ETV6: variants seen among roughly 807,000 people sequenced by gnomAD.
ETV6 encodes ETS variant transcription factor 6, also known as transcription factor ETV6.
In ETV6, 16 loss-of-function variants were observed where a neutral mutation model predicts 51.1. The ratio of observed to expected loss-of-function variants is 0.31; its 90% confidence interval spans 0.21 to 0.48. ETV6 has a LOEUF of 0.48. Among genes scored for constraint, ETV6 ranks in the 20% least tolerant of loss-of-function variants. The pLI is 0.99. For synonymous variants in ETV6, 240 were observed against 224.1 expected (o/e 1.07, Z -0.64); for missense variants, 458 against 594.8 (o/e 0.77, Z 2.39).
rs150665034 is a variant in ETV6, at chr12:11,681,089, A to C, written c.33+30929A>C. Among the ~76,000 whole-genome samples the C allele has an allele frequency of 3.2e-3, 488 of 152,304 alleles. 3 individuals are homozygous for C. The highest frequency in any genetic ancestry group is 0.01 in the African/African-American group (426 of 41,552). ...TAGGCAAGACTCTGTCCTGCATCCC[A>C]CTGAGTATAGACCTAATTTCTTTCT... On this transcript the variant is annotated intron_variant, in intron 1 of 7. Coordinates refer to ENST00000396373, the MANE Select transcript of ETV6 (RefSeq NM_001987.5).
At chr12:11,759,093 C>T (rs1235610971) in intron 2 of ETV6, among the ~76,000 whole-genome samples, 1 of 151,662 alleles carries the variant, frequency 6.6e-6, no homozygotes, top group African/African-American at 2.4e-5. Context: ...TGCAGGCAGA[C>T]GTTAATTCCT....
intron 3 of ETV6, among the ~76,000 whole-genome samples, chr12:11,844,363 A>G (rs1476966797): frequency 6.6e-6 from 1 of 152,242 alleles, no homozygotes; most frequent in Non-Finnish European, 1.5e-5. Context: ...TGAGGATTTT[A>G]GTAGACTAAA....
At chr12:11,662,471 A>C (rs7306490) in intron 1 of ETV6, among the ~76,000 whole-genome samples, 21,095 of 152,150 alleles carry the variant, frequency 0.14, 4,855 homozygotes, top group African/African-American at 0.48. Flanking sequence ...AACTAGGGGG[A>C]ATGCCTGTGT....
At chr12:11,651,636 C>G (rs779329853) in intron 1 of ETV6, among the ~76,000 whole-genome samples, 22 of 152,056 alleles carry the variant, frequency 1.4e-4, no homozygotes, top group Non-Finnish European at 2.5e-4. Flanking sequence ...TACTTCAAAA[C>G]CAGTTTCTTT....
At chr12:11,871,428 G>A (rs1003789344) in intron 5 of ETV6, among the ~76,000 whole-genome samples, 3 of 151,978 alleles carry the variant, frequency 2.0e-5, no homozygotes, top group East Asian at 1.9e-4. Flanking sequence ...CTGACCTCGC[G>A]ATCCGCCTGC....
intron 4 of ETV6, among the ~76,000 whole-genome samples, chr12:11,861,000 A>C (rs1461545695): frequency 6.6e-6 from 1 of 152,058 alleles, no homozygotes; most frequent in Non-Finnish European, 1.5e-5. Flanking sequence ...AGTCTTCATT[A>C]CTCTCAGAAC....
chr12:11,713,664 A>G (rs1865216090), intron 1 of ETV6, among the ~76,000 whole-genome samples: 3 of 152,146 alleles, frequency 2.0e-5, no homozygotes, highest in Admixed American at 1.3e-4. Flanking sequence ...ATGATATAAT[A>G]TCTGCTCTCA....
chr12:11,760,819 A>G (rs899591638), intron 2 of ETV6, among the ~76,000 whole-genome samples: 1 of 151,876 alleles, frequency 6.6e-6, no homozygotes, highest in Non-Finnish European at 1.5e-5. Flanking sequence ...CACTCTAGAG[A>G]ATCTCTGTGG....
At chr12:11,667,288 A>G (rs1042426479) in intron 1 of ETV6, among the ~76,000 whole-genome samples, 1 of 152,216 alleles carries the variant, frequency 6.6e-6, no homozygotes, top group Non-Finnish European at 1.5e-5. Flanking sequence ...GAATGCTACC[A>G]GAACCCTTGC....
At chr12:11,800,566 C>G (rs1945732493) in intron 2 of ETV6, among the ~76,000 whole-genome samples, 1 of 152,100 alleles carries the variant, frequency 6.6e-6, no homozygotes, top group South Asian at 2.1e-4. Flanking sequence ...CCACCCGCAT[C>G]CCTTCTTTTA....
chr12:11,762,980 CT>C (rs1167076922), intron 2 of ETV6, among the ~76,000 whole-genome samples: 2 of 152,168 alleles, frequency 1.3e-5, no homozygotes, highest in Non-Finnish European at 2.9e-5. Flanking sequence ...ACTCTTTCTC[CT>C]TCCTCCTCCT....
intron 2 of ETV6, among the ~76,000 whole-genome samples, chr12:11,811,046 A>G (rs1394027577): frequency 1.3e-5 from 2 of 152,182 alleles, no homozygotes; most frequent in Non-Finnish European, 2.9e-5. Flanking sequence ...CAAAGCCTCA[A>G]ACCACTTTCA....
intron 1 of ETV6, among the ~76,000 whole-genome samples, chr12:11,714,769 C>T (rs888345026): frequency 1.3e-5 from 2 of 151,904 alleles, no homozygotes; most frequent in African/African-American, 4.8e-5. Flanking sequence ...GAGTAGACTC[C>T]TGGTGAGGAG....
intron 1 of ETV6, among the ~76,000 whole-genome samples, chr12:11,710,567 C>G (rs2120878967): frequency 6.6e-6 from 1 of 152,308 alleles, no homozygotes; most frequent in Middle Eastern, 3.4e-3. Flanking sequence ...GCGCTTGCTT[C>G]TGACGCTTCT....
chr12:11,735,819 C>T (rs555445128), intron 1 of ETV6, among the ~76,000 whole-genome samples: 3 of 152,314 alleles, frequency 2.0e-5, no homozygotes, highest in Admixed American at 1.3e-4. Context: ...AGACTGGTCT[C>T]GAACTCCTGA....
intron 1 of ETV6, among the ~76,000 whole-genome samples, chr12:11,736,648 G>T (rs183244844): frequency 6.6e-6 from 1 of 152,304 alleles, no homozygotes; most frequent in African/African-American, 2.4e-5. Flanking sequence ...AGTAGGTAAG[G>T]TGTTCCAGGA....
chr12:11,740,628 A>G (rs113379674), intron 1 of ETV6, among the ~76,000 whole-genome samples: 15 of 152,362 alleles, frequency 9.8e-5, no homozygotes, highest in African/African-American at 3.4e-4. Flanking sequence ...AATACTACTA[A>G]TAATATCAAG....
At chr12:11,650,308 C>A in intron 1 of ETV6, 148 bp downstream of exon 1, 1 of 737,766 alleles carries the variant, frequency 1.4e-6, no homozygotes, top group African/African-American at 1.7e-5. Flanking sequence ...ATGCAGCTCG[C>A]GGTGGCTGCT....
intron 2 of ETV6, among the ~76,000 whole-genome samples, chr12:11,785,987 G>T (rs747418467): frequency 1.9e-4 from 29 of 152,126 alleles, no homozygotes; most frequent in Non-Finnish European, 3.7e-4. Flanking sequence ...TAGCAGGTTT[G>T]ATTGCATAAT....
Sources: gnomAD v4.1 joint callset for allele counts (sites outside exome capture counted in the v4.1 genomes callset) on GRCh38, gnomAD v4.1.1 for gene constraint, MANE v1.5 for transcripts, NCBI Gene and HGNC (gene_info 2026-07-23, HGNC 2026-07-21) for gene names.